Variants in CSMD3 observed in about 807,000 individuals in gnomAD.
CSMD3 encodes the protein CUB and Sushi multiple domains 3.
CSMD3 carries 177 observed loss-of-function variants against 435.2 expected under a neutral mutation model. The observed-to-expected ratio is 0.41, with a 90% CI of 0.36 to 0.46. The LOEUF is 0.46. Among genes scored for constraint, CSMD3 ranks in the 20% least tolerant of loss-of-function variants. CSMD3 has a pLI of 0.34. For missense variants in CSMD3, 4,265 were observed against 4,504.6 expected, an observed-to-expected ratio of 0.95 and a Z score of 1.52; for synonymous variants, 1,656 against 1,520.5, an observed-to-expected ratio of 1.09 and a Z score of -2.07.
At chr8:113,428,345 G>C (rs558754464) in intron 1 of CSMD3, among the ~76,000 whole-genome samples, 1 of 151,482 alleles carries the variant, frequency 6.6e-6, no homozygotes, top group African/African-American at 2.4e-5. Flanking sequence ...AAAATGAAGA[G>C]GTTTAATTGG....
At chr8:113,412,230 T>C (rs1022581269) in intron 1 of CSMD3, among the ~76,000 whole-genome samples, 13 of 152,014 alleles carry the variant, frequency 8.6e-5, no homozygotes, top group African/African-American at 3.1e-4. Flanking sequence ...GTGAGTCATA[T>C]CAATCATATG....
intron 67 of CSMD3, among the ~76,000 whole-genome samples, chr8:112,235,108 G>A (rs1813446438): frequency 6.6e-6 from 1 of 152,166 alleles, no homozygotes; most frequent in Non-Finnish European, 1.5e-5. Context: ...GCTCATACCT[G>A]TAATCCCAGC....
intron 5 of CSMD3, among the ~76,000 whole-genome samples, chr8:113,045,606 T>G (rs1293048348): frequency 6.7e-6 from 1 of 149,484 alleles, no homozygotes; most frequent in Non-Finnish European, 1.5e-5. Context: ...TCTACCAATC[T>G]TAAAAATTCA....
At chr8:113,232,990 AG>A in intron 3 of CSMD3, among the ~76,000 whole-genome samples, 1 of 152,054 alleles carries the variant, frequency 6.6e-6, no homozygotes. Context: ...ACTAAAGTTG[AG>A]TTAGACTTTG....
chr8:113,302,727 C>G (rs1016835388), intron 2 of CSMD3, among the ~76,000 whole-genome samples: 3 of 149,708 alleles, frequency 2.0e-5, no homozygotes, highest in Non-Finnish European at 1.5e-5. Flanking sequence ...ATGCTAAAAA[C>G]TCTCAATAAA....
intron 1 of CSMD3, among the ~76,000 whole-genome samples, chr8:113,386,168 G>T (rs1019341496): frequency 6.6e-6 from 1 of 151,936 alleles, no homozygotes; most frequent in Non-Finnish European, 1.5e-5. Context: ...GAGAAGATGT[G>T]CCAGTGTTCT....
intron 1 of CSMD3, among the ~76,000 whole-genome samples, chr8:113,433,275 C>T (rs1473113280): frequency 6.6e-6 from 1 of 152,134 alleles, no homozygotes; most frequent in Admixed American, 6.5e-5. Context: ...CAAGCTGAGA[C>T]AGATATTTTC....
At chr8:112,957,024 T>C (rs540828041) in intron 7 of CSMD3, among the ~76,000 whole-genome samples, 10 of 152,230 alleles carry the variant, frequency 6.6e-5, no homozygotes, top group African/African-American at 2.2e-4. Context: ...ACAAATATTT[T>C]AGCTGTTTAT....
intron 13 of CSMD3, among the ~76,000 whole-genome samples, chr8:112,737,853 C>A (rs930102510): frequency 7.9e-5 from 12 of 151,840 alleles, no homozygotes; most frequent in African/African-American, 2.7e-4. Context: ...CCCTTTTGAT[C>A]TTTCCAAATA....
At chr8:112,959,331 A>T (rs2130856036) in intron 7 of CSMD3, among the ~76,000 whole-genome samples, 1 of 152,120 alleles carries the variant, frequency 6.6e-6, no homozygotes, top group East Asian at 1.9e-4. Flanking sequence ...GACAATAATG[A>T]AGGTAAAATG....
chr8:113,123,967 C>A (rs2091055128), intron 4 of CSMD3, among the ~76,000 whole-genome samples: 1 of 151,942 alleles, frequency 6.6e-6, no homozygotes, highest in East Asian at 1.9e-4. Context: ...TAATTTAATT[C>A]CATACTGGGC....
chr8:113,384,001 T>C (rs1037972111), intron 1 of CSMD3, among the ~76,000 whole-genome samples: 1 of 152,150 alleles, frequency 6.6e-6, no homozygotes, highest in Non-Finnish European at 1.5e-5. Flanking sequence ...TATTATTTCT[T>C]ACGGACTTTA....
intron 32 of CSMD3, among the ~76,000 whole-genome samples, chr8:112,446,282 T>C (rs1477249439): frequency 6.6e-6 from 1 of 152,144 alleles, no homozygotes; most frequent in African/African-American, 2.4e-5. Flanking sequence ...TAAATCCTTT[T>C]CCAAAGCATC....
chr8:113,213,302 C>G (rs185722779), intron 3 of CSMD3, among the ~76,000 whole-genome samples: 70 of 152,070 alleles, frequency 4.6e-4, no homozygotes, highest in Middle Eastern at 3.4e-3. Flanking sequence ...CAGAGAGAAG[C>G]CTTTAAATTT....
intron 6 of CSMD3, among the ~76,000 whole-genome samples, chr8:112,998,719 C>T (rs538641597): frequency 0.047 from 7,143 of 151,972 alleles, 226 homozygotes; most frequent in Non-Finnish European, 0.069. Flanking sequence ...AATTTTCAAT[C>T]CCCAGTATTG....
chr8:112,932,806 T>A (rs1415162678), intron 9 of CSMD3, among the ~76,000 whole-genome samples: 1 of 152,098 alleles, frequency 6.6e-6, no homozygotes, highest in Non-Finnish European at 1.5e-5. Flanking sequence ...ATATTGTATA[T>A]TTGCATTTCA....
intron 18 of CSMD3, among the ~76,000 whole-genome samples, chr8:112,653,947 C>T (rs1024047728): frequency 2.6e-5 from 4 of 152,056 alleles, no homozygotes; most frequent in Admixed American, 6.5e-5. Context: ...CGTGAGCCAC[C>T]GCACCCAGCC....
intron 52 of CSMD3, among the ~76,000 whole-genome samples, chr8:112,304,091 C>T (rs748149821): frequency 7.2e-5 from 11 of 152,066 alleles, no homozygotes; most frequent in African/African-American, 1.7e-4. Flanking sequence ...GGAAATAAAA[C>T]GCCTTAACTG....
At chr8:112,548,108 C>T (rs1431580622) in intron 27 of CSMD3, among the ~76,000 whole-genome samples, 2 of 152,098 alleles carry the variant, frequency 1.3e-5, no homozygotes, top group Admixed American at 6.6e-5. Flanking sequence ...AACTAGATGA[C>T]TTTAGATAAA....
Sources: gnomAD v4.1 joint callset for allele counts (sites outside exome capture counted in the v4.1 genomes callset) on GRCh38, gnomAD v4.1.1 for gene constraint, MANE v1.5 for transcripts, NCBI Gene and HGNC (gene_info 2026-07-23, HGNC 2026-07-21) for gene names.